Variants in CRPPA observed in about 807,000 individuals in gnomAD.
CRPPA encodes the protein CDP-L-ribitol pyrophosphorylase A.
In CRPPA, 43 loss-of-function variants were observed where a neutral mutation model predicts 52.0. The observed-to-expected ratio is 0.83, with a 90% CI of 0.65 to 1.07. CRPPA has a LOEUF of 1.07. CRPPA is among the 50% of genes least tolerant of loss of function. CRPPA has a pLI of 0.00. For synonymous variants in CRPPA, 250 were observed against 203.5 expected (o/e 1.23, Z -1.94); for missense variants, 629 against 551.7 (o/e 1.14, Z -1.40).
chr7:16,170,231 G>C (rs566210937), intron 9 of CRPPA, among the ~76,000 whole-genome samples: 1 of 152,124 alleles, frequency 6.6e-6, no homozygotes, highest in African/African-American at 2.4e-5. Flanking sequence ...GAGAGTAAAC[G>C]ATTACAATTA....
rs1208710597 is a variant in CRPPA at position 16,217,935 on chromosome 7, A to G, written c.1120-1738T>C. 2.5e-3 allele frequency among the ~76,000 whole-genome samples: 376 copies of G among 151,370 alleles called. 3 individuals carry two copies. Among genetic ancestry groups the G allele is most frequent in the African/African-American group, 8.7e-3 (360 of 41,334 alleles). On this transcript the variant is annotated intron_variant, in intron 8 of 9. Coordinates refer to ENST00000407010, the MANE Select transcript of CRPPA (RefSeq NM_001101426.4). ...GCCAACGTTCAGATTCAGGAAATAC[A>G]GAGAACGCCACAAAGATACTCCTCG...
At chr7:16,352,434 T>A (rs939200242) in intron 3 of CRPPA, among the ~76,000 whole-genome samples, 15 of 150,810 alleles carry the variant, frequency 9.9e-5, no homozygotes, top group South Asian at 4.2e-4. Flanking sequence ...AAAAAAAAAA[T>A]AAATGTGCAA....
chr7:16,093,498 C>G (rs566188487), intron 9 of CRPPA, among the ~76,000 whole-genome samples: 22 of 152,280 alleles, frequency 1.4e-4, no homozygotes, highest in Non-Finnish European at 2.9e-4. Context: ...GTGCTCTTTT[C>G]TATCAATTTC....
intron 9 of CRPPA, among the ~76,000 whole-genome samples, chr7:16,213,839 T>G (rs1782223246): frequency 6.6e-6 from 1 of 152,214 alleles, no homozygotes; most frequent in Non-Finnish European, 1.5e-5. Flanking sequence ...AAGCTCATTT[T>G]AATTATCCAT....
intron 3 of CRPPA, among the ~76,000 whole-genome samples, chr7:16,336,558 CA>C (rs36099524): frequency 0.17 from 23,299 of 135,564 alleles, 2,237 homozygotes; most frequent in South Asian, 0.42. Flanking sequence ...AGGAAAAGAG[CA>C]AAAAAAAAAA....
intron 1 of CRPPA, among the ~76,000 whole-genome samples, chr7:16,408,198 C>T (rs894362648): frequency 4.0e-5 from 6 of 151,816 alleles, no homozygotes; most frequent in Admixed American, 6.6e-5. Context: ...ACAAAAACAC[C>T]GATCAACAAT....
intron 3 of CRPPA, among the ~76,000 whole-genome samples, chr7:16,339,559 A>G (rs1785769882): frequency 2.0e-5 from 3 of 152,224 alleles, no homozygotes; most frequent in Admixed American, 2.0e-4. Flanking sequence ...CTTTGTAAAG[A>G]ACATCTGGAG....
chr7:16,400,060 CACGTGATCGGCAACGTGTATGACATG>C (rs1483732807), intron 2 of CRPPA, among the ~76,000 whole-genome samples: 2 of 152,070 alleles, frequency 1.3e-5, no homozygotes, highest in East Asian at 3.9e-4. Context: ...ACGTGATTGG[CACGTGATCGGCAACGTGTATGACATG>C]ACTGTCACGT....
intron 2 of CRPPA, among the ~76,000 whole-genome samples, chr7:16,400,322 A>C (rs767134533): frequency 2.0e-5 from 3 of 152,180 alleles, no homozygotes; most frequent in Non-Finnish European, 4.4e-5. Flanking sequence ...ACACTTGACC[A>C]ACACCTGATA....
intron 2 of CRPPA, among the ~76,000 whole-genome samples, chr7:16,381,339 C>A (rs1787082459): frequency 6.6e-6 from 1 of 151,126 alleles, no homozygotes; most frequent in South Asian, 2.1e-4. Context: ...AGTTTGATTG[C>A]ACTGTGGTCT....
intron 2 of CRPPA, among the ~76,000 whole-genome samples, chr7:16,378,241 C>T (rs1321536461): frequency 1.4e-5 from 2 of 145,090 alleles, no homozygotes; most frequent in Admixed American, 1.4e-4. Flanking sequence ...GGTATATCTC[C>T]TAATGCTATC....
chr7:16,226,853 A>G (rs1033464597), intron 8 of CRPPA, among the ~76,000 whole-genome samples: 8 of 151,890 alleles, frequency 5.3e-5, no homozygotes, highest in African/African-American at 1.7e-4. Context: ...AGAACGTATT[A>G]ATTGTAGTCA....
chr7:16,399,299 A>G (rs1787723487), intron 2 of CRPPA, among the ~76,000 whole-genome samples: 1 of 151,510 alleles, frequency 6.6e-6, no homozygotes, highest in Non-Finnish European at 1.5e-5. Flanking sequence ...ACGTGTGATC[A>G]ACACGTGTGA....
intron 8 of CRPPA, among the ~76,000 whole-genome samples, chr7:16,236,194 A>G (rs115424321): frequency 1.8e-4 from 27 of 152,184 alleles, no homozygotes; most frequent in African/African-American, 6.3e-4. Context: ...TAACTAAGAA[A>G]ATTTAAATCT....
intron 3 of CRPPA, among the ~76,000 whole-genome samples, chr7:16,322,164 C>G (rs372727425): frequency 5.3e-5 from 8 of 152,030 alleles, no homozygotes; most frequent in East Asian, 1.9e-4. Flanking sequence ...AAAATGAACA[C>G]AAAATACCAA....
intron 1 of CRPPA, among the ~76,000 whole-genome samples, chr7:16,419,974 C>T (rs1457973096): frequency 6.6e-6 from 1 of 152,182 alleles, no homozygotes; most frequent in East Asian, 1.9e-4. Context: ...TGCAATTCCC[C>T]TGTCTTGATA....
chr7:16,122,675 A>T (rs1000525510), intron 9 of CRPPA, among the ~76,000 whole-genome samples: 1 of 152,108 alleles, frequency 6.6e-6, no homozygotes, highest in South Asian at 2.1e-4. Context: ...GTAAAAACAT[A>T]AACTCATCTA....
At chr7:16,229,177 C>G (rs1021809249) in intron 8 of CRPPA, among the ~76,000 whole-genome samples, 1 of 151,930 alleles carries the variant, frequency 6.6e-6, no homozygotes, top group East Asian at 1.9e-4. Flanking sequence ...TGTGTCCTTA[C>G]AGGTAAAATT....
chr7:16,297,687 G>A (rs1784703526), intron 5 of CRPPA, among the ~76,000 whole-genome samples: 1 of 152,294 alleles, frequency 6.6e-6, no homozygotes. Context: ...GGCAAAATCA[G>A]TCCTGAACTT....
Sources: gnomAD v4.1 joint callset for allele counts (sites outside exome capture counted in the v4.1 genomes callset) on GRCh38, gnomAD v4.1.1 for gene constraint, MANE v1.5 for transcripts, NCBI Gene and HGNC (gene_info 2026-07-23, HGNC 2026-07-21) for gene names.